MECOM: variants seen among roughly 807,000 people sequenced by gnomAD.
MECOM encodes histone-lysine N-methyltransferase MECOM.
A neutral mutation model predicts 116.3 loss-of-function variants in MECOM; 13 were observed. That is an observed-to-expected ratio of 0.11 (90% CI 0.07 to 0.18). The LOEUF (loss-of-function observed/expected upper bound fraction) is 0.18, where lower values mean the gene tolerates loss of function less well. MECOM is among the 10% of genes least tolerant of loss of function. MECOM has a pLI of 1.00. For missense variants in MECOM, 1,299 were observed against 1,509.0 expected (o/e 0.86, Z 2.31); for synonymous variants, 528 against 535.2 (o/e 0.99, Z 0.19).
At chr3:169,558,744 C>A (rs1462715693) in intron 1 of MECOM, among the ~76,000 whole-genome samples, 2 of 152,254 alleles carry the variant, frequency 1.3e-5, no homozygotes, top group South Asian at 2.1e-4. Flanking sequence ...AGTCTAAAAT[C>A]AGTAACTACA....
chr3:169,118,620 A>G (rs1729948248), intron 7 of MECOM, among the ~76,000 whole-genome samples: 1 of 152,218 alleles, frequency 6.6e-6, no homozygotes, highest in African/African-American at 2.4e-5. Flanking sequence ...CATTGAAAAA[A>G]TGTCTTGATG....
intron 2 of MECOM, among the ~76,000 whole-genome samples, chr3:169,219,466 C>CA (rs1401730331): frequency 6.6e-6 from 1 of 152,154 alleles, no homozygotes; most frequent in Non-Finnish European, 1.5e-5. Flanking sequence ...AAGATGGCGC[C>CA]ACTGCACTCC....
intron 1 of MECOM, among the ~76,000 whole-genome samples, chr3:169,382,670 G>C (rs1302678012): frequency 6.6e-6 from 1 of 151,688 alleles, no homozygotes; most frequent in Admixed American, 6.6e-5. Flanking sequence ...AACAGACTTC[G>C]ATCGAGCTAG....
intron 1 of MECOM, among the ~76,000 whole-genome samples, chr3:169,524,521 A>C (rs139757225): frequency 1.6e-3 from 238 of 152,356 alleles, no homozygotes; most frequent in African/African-American, 5.4e-3. Flanking sequence ...TATGTTCTTC[A>C]CAGGCTAAGA....
chr3:169,495,202 G>A (rs752202208), intron 1 of MECOM, among the ~76,000 whole-genome samples: 7 of 152,080 alleles, frequency 4.6e-5, no homozygotes, highest in South Asian at 2.1e-4. Context: ...AGTTCTCCAC[G>A]TATCTTTAAC....
At chr3:169,349,805 T>TGA (rs1725996172) in intron 2 of MECOM, among the ~76,000 whole-genome samples, 1 of 151,936 alleles carries the variant, frequency 6.6e-6, no homozygotes, top group African/African-American at 2.4e-5. Flanking sequence ...CCAATGAATA[T>TGA]GAGACAGGGA....
At chr3:169,388,513 A>G (rs1332318359) in intron 1 of MECOM, among the ~76,000 whole-genome samples, 14 of 152,226 alleles carry the variant, frequency 9.2e-5, no homozygotes, top group Non-Finnish European at 2.9e-5. Context: ...AAACGAAGAA[A>G]GGAAACTAGT....
intron 2 of MECOM, among the ~76,000 whole-genome samples, chr3:169,337,064 A>G (rs1185899583): frequency 6.6e-6 from 1 of 152,166 alleles, no homozygotes; most frequent in Non-Finnish European, 1.5e-5. Flanking sequence ...TTCTGTCTTC[A>G]TGTATGATTG....
chr3:169,158,046 A>G (rs931127734), intron 2 of MECOM, among the ~76,000 whole-genome samples: 1 of 150,690 alleles, frequency 6.6e-6, no homozygotes, highest in Admixed American at 6.6e-5. Context: ...ATTGTGCCTT[A>G]TACAATTTTA....
At chr3:169,234,525 A>G (rs540663025) in intron 2 of MECOM, among the ~76,000 whole-genome samples, 11 of 152,282 alleles carry the variant, frequency 7.2e-5, no homozygotes, top group Non-Finnish European at 1.6e-4. Context: ...GAAAAAGGAA[A>G]GGAATAGCCA....
At chr3:169,375,134 T>C (rs547045488) in intron 2 of MECOM, among the ~76,000 whole-genome samples, 77 of 151,838 alleles carry the variant, frequency 5.1e-4, no homozygotes, top group African/African-American at 1.8e-3. Context: ...AGGAAAACAG[T>C]TTCCCAGGTA....
At chr3:169,124,018 G>A (rs1347421875) in intron 5 of MECOM, among the ~76,000 whole-genome samples, 1 of 152,018 alleles carries the variant, frequency 6.6e-6, no homozygotes, top group Non-Finnish European at 1.5e-5. Flanking sequence ...GGCTATGAAG[G>A]GAAGGTTCTC....
At chr3:169,232,474 G>T (rs1271178576) in intron 2 of MECOM, among the ~76,000 whole-genome samples, 2 of 151,846 alleles carry the variant, frequency 1.3e-5, no homozygotes, top group Non-Finnish European at 2.9e-5. Context: ...ACACATCAAA[G>T]AACTTATGTA....
At chr3:169,217,713 G>C (rs2149489376) in intron 2 of MECOM, among the ~76,000 whole-genome samples, 1 of 152,028 alleles carries the variant, frequency 6.6e-6, no homozygotes, top group South Asian at 2.1e-4. Context: ...GAACCCAGGA[G>C]GTGGAGATTG....
chr3:169,157,821 A>T (rs75988348), intron 2 of MECOM, among the ~76,000 whole-genome samples: 1 of 152,140 alleles, frequency 6.6e-6, no homozygotes, highest in African/African-American at 2.4e-5. Context: ...GGGGGATGCC[A>T]GAAGGGACAT....
At chr3:169,185,920 C>G (rs746782223) in intron 2 of MECOM, among the ~76,000 whole-genome samples, 6 of 152,154 alleles carry the variant, frequency 3.9e-5, no homozygotes, top group Non-Finnish European at 7.4e-5. Flanking sequence ...TTTCTTTTGT[C>G]TTTGGGCTGA....
chr3:169,196,898 T>G (rs1577319862), intron 2 of MECOM, among the ~76,000 whole-genome samples: 1 of 151,894 alleles, frequency 6.6e-6, no homozygotes, highest in East Asian at 1.9e-4. Flanking sequence ...ATTAGCAAAA[T>G]CATGGAGTCA....
chr3:169,260,855 T>C (rs1757448516), intron 2 of MECOM, among the ~76,000 whole-genome samples: 1 of 152,242 alleles, frequency 6.6e-6, no homozygotes, highest in African/African-American at 2.4e-5. Context: ...TGTCAATGAA[T>C]ATCATCACTG....
chr3:169,548,722 CCT>C (rs1761021453), intron 1 of MECOM, among the ~76,000 whole-genome samples: 1 of 152,070 alleles, frequency 6.6e-6, no homozygotes, highest in South Asian at 2.1e-4. Flanking sequence ...TTGCTGGAGC[CCT>C]CTCTCCATCA....
Sources: gnomAD v4.1 joint callset for allele counts (sites outside exome capture counted in the v4.1 genomes callset) on GRCh38, gnomAD v4.1.1 for gene constraint, MANE v1.5 for transcripts, NCBI Gene and HGNC (gene_info 2026-07-23, HGNC 2026-07-21) for gene names.